Variants in LTBP1 observed in about 807,000 individuals in gnomAD.
The protein encoded by LTBP1 is latent transforming growth factor beta binding protein 1.
LTBP1 carries 129 observed loss-of-function variants against 207.6 expected under a neutral mutation model. That is an observed-to-expected ratio of 0.62 (90% CI 0.54 to 0.72). LTBP1 has a LOEUF of 0.72. LTBP1 is among the 30% of genes least tolerant of loss of function. The pLI is 0.00. For missense variants in LTBP1, 2,281 were observed against 2,217.2 expected, an observed-to-expected ratio of 1.03 and a Z score of -0.58; for synonymous variants, 963 against 833.7, an observed-to-expected ratio of 1.16 and a Z score of -2.67.
At chr2:33,087,084 C>CTTTTTTTTTTTTTTTTTTTTTTTTTTTT (rs35334788) in intron 3 of LTBP1, among the ~76,000 whole-genome samples, 9 of 88,982 alleles carry the variant, frequency 1.0e-4, no homozygotes, top group Non-Finnish European at 1.9e-4. Flanking sequence ...CTCCTTTATG[C>CTTTTTTTTTTTTTTTTTTTTTTTTTTTT]TTTTTTTTTT....
intron 4 of LTBP1, among the ~76,000 whole-genome samples, chr2:33,130,743 C>T (rs1043645898): frequency 6.6e-6 from 1 of 152,080 alleles, no homozygotes; most frequent in East Asian, 1.9e-4. Context: ...GATGTTGACT[C>T]TTGAGTGTCT....
intron 9 of LTBP1, among the ~76,000 whole-genome samples, chr2:33,235,799 A>G (rs1226465247): frequency 6.6e-6 from 1 of 152,226 alleles, no homozygotes; most frequent in East Asian, 1.9e-4. Flanking sequence ...AAACTAACAC[A>G]GAAGCAGAAA....
intron 3 of LTBP1, among the ~76,000 whole-genome samples, chr2:33,075,813 G>C (rs1572514276): frequency 6.6e-6 from 1 of 152,180 alleles, no homozygotes; most frequent in Non-Finnish European, 1.5e-5. Flanking sequence ...GTCACTTCCA[G>C]GTACTTGTAA....
At chr2:33,011,766 G>C (rs529537045) in intron 2 of LTBP1, among the ~76,000 whole-genome samples, 1 of 151,712 alleles carries the variant, frequency 6.6e-6, no homozygotes, top group Admixed American at 6.6e-5. Context: ...AATCATACTG[G>C]ACCTGCATAC....
At chr2:33,082,494 G>T (rs1389735494) in intron 3 of LTBP1, among the ~76,000 whole-genome samples, 3 of 138,404 alleles carry the variant, frequency 2.2e-5, no homozygotes, top group African/African-American at 8.6e-5. Flanking sequence ...TGTTGCCCAG[G>T]CCAGAGTGCA....
chr2:33,379,196 CTTTTTTT>C (rs550839552), intron 31 of LTBP1, among the ~76,000 whole-genome samples: 126 of 108,532 alleles, frequency 1.2e-3, no homozygotes, highest in South Asian at 3.5e-3. Context: ...TTTGCCATTG[CTTTTTTT>C]TTTTTTTTTT....
At position 33,341,395 on chromosome 2, in the gene LTBP1, T is replaced by C. The variant is rs1457008179; in HGVS notation, c.3731-1443T>C. ...GATGTAGGTTTTTTGTTTGTTTGTT[T>C]TGAGTTGAGAAAATAAGTTTAAAAG... is the stretch of plus-strand genomic sequence containing the variant. On this transcript the variant is annotated intron_variant, in intron 24 of 33. Coordinates refer to ENST00000404816, the MANE Select transcript of LTBP1 (RefSeq NM_206943.4). Among the ~76,000 whole-genome samples the C allele has an allele frequency of 2.0e-5, 3 of 151,580 alleles. No homozygotes were observed. The East Asian group carries it at 5.8e-4, about 29-fold the overall frequency.
At chr2:33,181,177 G>T (rs2086592078) in intron 5 of LTBP1, among the ~76,000 whole-genome samples, 1 of 152,102 alleles carries the variant, frequency 6.6e-6, no homozygotes, top group South Asian at 2.1e-4. Flanking sequence ...GTGCCTTTTG[G>T]GAACCAGCAG....
At chr2:33,293,340 G>A (rs2093812248) in intron 20 of LTBP1, 58 bp downstream of exon 20, 14 of 1,522,160 alleles carry the variant, frequency 9.2e-6, no homozygotes, top group Middle Eastern at 1.7e-4. Context: ...ATATAGATTA[G>A]AGCAATTAGC....
chr2:33,206,708 C>A (rs2089908505), intron 7 of LTBP1, among the ~76,000 whole-genome samples: 1 of 146,456 alleles, frequency 6.8e-6, no homozygotes, highest in African/African-American at 2.6e-5. Flanking sequence ...CACTGCACTC[C>A]AGCCTGGGCG....
intron 15 of LTBP1, among the ~76,000 whole-genome samples, chr2:33,268,656 G>A (rs1455410478): frequency 6.6e-6 from 1 of 152,216 alleles, no homozygotes; most frequent in Non-Finnish European, 1.5e-5. Flanking sequence ...AATAGCTAAA[G>A]GATAGGTTGG....
chr2:33,219,108 T>C (rs987477545), intron 8 of LTBP1, among the ~76,000 whole-genome samples: 1 of 152,208 alleles, frequency 6.6e-6, no homozygotes, highest in Non-Finnish European at 1.5e-5. Flanking sequence ...CTAAAGCAAG[T>C]AATTTTATTT....
chr2:33,134,531 G>A lies in LTBP1; in HGVS notation c.1034-262G>A. 6.7e-7 allele frequency: 1 copy of A among 1,497,248 alleles called. No homozygotes were observed. Among genetic ancestry groups the A allele is most frequent in the South Asian group, 1.2e-5 (1 of 82,600 alleles). 92.7% of individuals were successfully genotyped at this position (1,497,248 alleles called of 1,614,324 possible). On this transcript the variant is annotated intron_variant, in intron 4 of 33. Transcript: ENST00000404816. The surrounding 1 kb of genome is among the most constrained non-coding windows in gnomAD (Gnocchi z 4.4). The stretch of plus-strand genomic sequence containing the variant: ...GTTAGTAATCCCACTCCAGTGACTC[G>A]ACTTCAAATGTGGTTTTGGAGTGCA...
intron 2 of LTBP1, among the ~76,000 whole-genome samples, chr2:32,957,601 A>G (rs541130247): frequency 6.6e-6 from 1 of 152,368 alleles, no homozygotes; most frequent in Non-Finnish European, 1.5e-5. Context: ...ATCACCGATC[A>G]CATATCACTG....
At chr2:32,975,324 TG>T (rs1212641488) in intron 2 of LTBP1, among the ~76,000 whole-genome samples, 1 of 152,108 alleles carries the variant, frequency 6.6e-6, no homozygotes, top group Non-Finnish European at 1.5e-5. Flanking sequence ...TATTTTATGT[TG>T]ATCTGGGTGA....
chr2:33,259,658 G>T (rs2147932905), intron 13 of LTBP1, 48 bp downstream of exon 13: 2 of 1,549,018 alleles, frequency 1.3e-6, no homozygotes, highest in South Asian at 1.2e-5. Flanking sequence ...CGCTCAAAGT[G>T]ATTTTCTATT....
chr2:33,155,219 C>A (rs1057083771), intron 5 of LTBP1, among the ~76,000 whole-genome samples: 2 of 152,080 alleles, frequency 1.3e-5, no homozygotes, highest in Non-Finnish European at 2.9e-5. Flanking sequence ...GCGCGCGCCA[C>A]CATGCCTGGC....
chr2:32,978,881 T>A (rs1253217503), intron 2 of LTBP1, among the ~76,000 whole-genome samples: 1 of 151,840 alleles, frequency 6.6e-6, no homozygotes, highest in Non-Finnish European at 1.5e-5. Context: ...AGCGTTGATA[T>A]CATTACTCAG....
At chr2:33,010,816 T>G (rs1003071120) in intron 2 of LTBP1, among the ~76,000 whole-genome samples, 8 of 150,224 alleles carry the variant, frequency 5.3e-5, no homozygotes, top group Non-Finnish European at 1.0e-4. Context: ...GCCTCCTGGG[T>G]TCAAGTGATT....
Sources: gnomAD v4.1 joint callset for allele counts (sites outside exome capture counted in the v4.1 genomes callset) on GRCh38, gnomAD v4.1.1 for gene constraint, Gnocchi (gnomAD v3.1) non-coding constraint, MANE v1.5 for transcripts, NCBI Gene and HGNC (gene_info 2026-07-23, HGNC 2026-07-21) for gene names.